MECOM: variants seen among roughly 807,000 people sequenced by gnomAD.
The protein encoded by MECOM is MDS1 and EVI1 complex locus.
MECOM carries 13 observed loss-of-function variants against 116.3 expected under a neutral mutation model. The ratio of observed to expected loss-of-function variants is 0.11; its 90% CI spans 0.07 to 0.18. The LOEUF is 0.18. Among genes scored for constraint, MECOM ranks in the 10% least tolerant of loss-of-function variants. The pLI is 1.00. For missense variants in MECOM, 1,299 were observed against 1,509.0 expected (o/e 0.86, Z 2.31); for synonymous variants, 528 against 535.2 (o/e 0.99, Z 0.19).
At chr3:169,445,562 C>T (rs1744479071) in intron 1 of MECOM, among the ~76,000 whole-genome samples, 1 of 152,240 alleles carries the variant, frequency 6.6e-6, no homozygotes, top group African/African-American at 2.4e-5. Context: ...CATGGAGAAC[C>T]TCTGCCAGGG....
At chr3:169,091,212 A>C (rs1205503245) in intron 14 of MECOM, among the ~76,000 whole-genome samples, 1 of 152,142 alleles carries the variant, frequency 6.6e-6, no homozygotes, top group Non-Finnish European at 1.5e-5. Flanking sequence ...AAGTAAAAGA[A>C]CAAAAAGAGT....
chr3:169,232,499 G>C (rs1283631736), intron 2 of MECOM, among the ~76,000 whole-genome samples: 2 of 152,022 alleles, frequency 1.3e-5, no homozygotes, highest in African/African-American at 4.8e-5. Flanking sequence ...AACTGGCATA[G>C]GAATCACAGC....
At chr3:169,096,012 T>C (rs1341930643) in intron 12 of MECOM, among the ~76,000 whole-genome samples, 1 of 151,718 alleles carries the variant, frequency 6.6e-6, no homozygotes, top group African/African-American at 2.4e-5. Context: ...ATTGGTTGGT[T>C]AGTTGTTTCT....
chr3:169,637,294 A>G (rs4955666), intron 1 of MECOM, among the ~76,000 whole-genome samples: 81,073 of 151,974 alleles, frequency 0.53, 23,661 homozygotes, highest in African/African-American at 0.77. Context: ...GAGACCGCAA[A>G]TGAGACCACC....
rs145665702 is a variant in MECOM at position 169,548,675 on chromosome 3, G to A, written c.37+114661C>T. On this transcript the variant is annotated intron_variant, in intron 1 of 16. Transcript: ENST00000651503. ...GTCTGCATCCCCTTTGAATGCAGAC[G>A]TGTAAATACTAGAGGAGATAAGGTA... is the stretch of plus-strand genomic sequence containing the variant. Among the ~76,000 whole-genome samples the A allele has an allele frequency of 7.3e-3, 1,116 of 152,294 alleles. 15 individuals are homozygous for A. The highest frequency in any genetic ancestry group is 0.026 in the African/African-American group (1,070 of 41,562).
intron 1 of MECOM, among the ~76,000 whole-genome samples, chr3:169,629,593 G>A (rs1444906136): frequency 6.6e-6 from 1 of 152,168 alleles, no homozygotes; most frequent in Non-Finnish European, 1.5e-5. Context: ...TTAAATAAGT[G>A]TTCTTACGTA....
At chr3:169,483,012 A>T (rs1751564277) in intron 1 of MECOM, among the ~76,000 whole-genome samples, 1 of 152,130 alleles carries the variant, frequency 6.6e-6, no homozygotes, top group Non-Finnish European at 1.5e-5. Flanking sequence ...ACTTTGGTCC[A>T]TATTTTCCAC....
rs1740321740 is a variant in MECOM at position 169,424,554 on chromosome 3, A to G, written c.38-43030T>C. ...CATCTTGACCATCATGTGAAAGAAG[A>G]TGGTTGTTCTTCTGAAGGGTACACA... On this transcript the variant is annotated intron_variant, in intron 1 of 16. Transcript: ENST00000651503. 2.0e-5 allele frequency among the ~76,000 whole-genome samples: 3 copies of G among 152,166 alleles called. No homozygotes were observed. In the South Asian group the frequency reaches 6.2e-4, roughly 31 times the overall value.
intron 2 of MECOM, among the ~76,000 whole-genome samples, chr3:169,253,618 A>G (rs940724257): frequency 6.6e-6 from 1 of 152,192 alleles, no homozygotes; most frequent in Non-Finnish European, 1.5e-5. Context: ...GAATAAATAC[A>G]TACTTATGAG....
chr3:169,091,270 T>A (rs1289284791), intron 14 of MECOM, among the ~76,000 whole-genome samples: 1 of 152,000 alleles, frequency 6.6e-6, no homozygotes, highest in African/African-American at 2.4e-5. Flanking sequence ...ATTAAGAAAA[T>A]CTATTTGTTA....
chr3:169,192,755 T>C (rs1380340361), intron 2 of MECOM, among the ~76,000 whole-genome samples: 2 of 152,032 alleles, frequency 1.3e-5, no homozygotes, highest in African/African-American at 4.8e-5. Context: ...CACTTTGCAA[T>C]TGCAGTGCGA....
chr3:169,183,214 G>T (rs1258797929), intron 2 of MECOM, among the ~76,000 whole-genome samples: 1 of 152,196 alleles, frequency 6.6e-6, no homozygotes, highest in Non-Finnish European at 1.5e-5. Context: ...GATAGAGAGG[G>T]CTAGTGAGCT....
intron 2 of MECOM, among the ~76,000 whole-genome samples, chr3:169,253,280 T>C (rs1756452609): frequency 6.6e-6 from 1 of 152,174 alleles, no homozygotes. Flanking sequence ...AAATCTAATG[T>C]AATGAACTTC....
Position 169,116,369 on chromosome 3 carries a change from G to C in MECOM, c.1503C>G (p.His501Gln), listed in dbSNP as rs145851161. 255 of 1,614,106 alleles carry C rather than the reference G, an allele frequency of 1.6e-4. No individual in the cohort carries two copies. Among genetic ancestry groups the C allele is most frequent in the Non-Finnish European group, 2.0e-4 (233 of 1,180,046 alleles). Residue 501 changes from histidine to glutamine, a missense_variant, in exon 8 of 17, where the codon CAC becomes CAG. His to Gln is a conservative substitution (Grantham distance 24). Coordinates refer to ENST00000651503, the MANE Select transcript of MECOM (RefSeq NM_004991.4). ...FPGLFPSGLY[H>Q]RPPLIPASSP... ...AACTAGCAGGTATCAAAGGAGGCCT[G>C]TGGTACAAGCCGGAAGGAAACAGAC...
chr3:169,293,291 G>T (rs1714957223), intron 2 of MECOM, among the ~76,000 whole-genome samples: 1 of 152,094 alleles, frequency 6.6e-6, no homozygotes, highest in Non-Finnish European at 1.5e-5. Flanking sequence ...AGCCGTCAGG[G>T]TCTTCTCCTG....
At chr3:169,473,717 C>T (rs1439377926) in intron 1 of MECOM, among the ~76,000 whole-genome samples, 2 of 152,038 alleles carry the variant, frequency 1.3e-5, no homozygotes, top group African/African-American at 4.8e-5. Flanking sequence ...TGTAGTGAGC[C>T]GAGATTGCTC....
chr3:169,319,753 T>C (rs976625239), intron 2 of MECOM, among the ~76,000 whole-genome samples: 11 of 152,212 alleles, frequency 7.2e-5, no homozygotes, highest in Admixed American at 7.2e-4. Flanking sequence ...TTCTGCCCTA[T>C]GTGTAAAGTG....
chr3:169,415,420 T>G (rs1738387444), intron 1 of MECOM, among the ~76,000 whole-genome samples: 1 of 152,126 alleles, frequency 6.6e-6, no homozygotes, highest in Non-Finnish European at 1.5e-5. Context: ...TACCAGCCAC[T>G]GCAAAAACAA....
intron 2 of MECOM, among the ~76,000 whole-genome samples, chr3:169,347,050 T>C (rs1265827242): frequency 6.6e-6 from 1 of 152,050 alleles, no homozygotes; most frequent in East Asian, 1.9e-4. Context: ...ATGAGGAGGT[T>C]CTCTACATGT....
Sources: gnomAD v4.1 joint callset for allele counts (sites outside exome capture counted in the v4.1 genomes callset) on GRCh38, gnomAD v4.1.1 for gene constraint, MANE v1.5 for transcripts, NCBI Gene and HGNC (gene_info 2026-07-23, HGNC 2026-07-21) for gene names.